The following EPB41L4B variants were observed in gnomAD, a reference collection of about 807,000 sequenced individuals.
EPB41L4B encodes the protein erythrocyte membrane protein band 4.1 like 4B.
EPB41L4B carries 30 observed loss-of-function variants against 112.5 expected under a neutral mutation model. That is an observed-to-expected ratio of 0.27 (90% confidence interval 0.20 to 0.36). EPB41L4B has a LOEUF of 0.36. EPB41L4B is among the 10% of genes least tolerant of loss of function. EPB41L4B has a pLI of 1.00. For missense variants in EPB41L4B, 1,024 were observed against 1,133.3 expected, an observed-to-expected ratio of 0.90 and a Z score of 1.38; for synonymous variants, 408 against 439.7, an observed-to-expected ratio of 0.93 and a Z score of 0.90.
rs1446160595 is a variant in EPB41L4B, at chr9:109,185,315, A to C, written c.2418+174T>G. Among the ~76,000 whole-genome samples the C allele has an allele frequency of 2.0e-5, 3 of 152,180 alleles. No homozygotes were observed. In the East Asian group the frequency reaches 5.8e-4, roughly 29 times the overall value. On this transcript the variant is annotated intron_variant, in intron 23 of 25. Transcript: ENST00000374566. ...CTCCATAGCTGCATGTTCCAAACTG[A>C]CCAGGGCCAGCTGGACTCCAAATCC... is the stretch of plus-strand genomic sequence containing the variant.
chr9:109,265,384 C>A, intron 4 of EPB41L4B, among the ~76,000 whole-genome samples: 1 of 152,198 alleles, frequency 6.6e-6, no homozygotes. Context: ...GGTGGGGCCG[C>A]GGGGTCTGGC....
intron 1 of EPB41L4B, among the ~76,000 whole-genome samples, chr9:109,307,015 G>GTTTTTTTTTTTTTTTTTTTTTT (rs534923556): frequency 8.0e-6 from 1 of 124,516 alleles, no homozygotes; most frequent in Non-Finnish European, 1.7e-5. Context: ...TGCTGCAGTT[G>GTTTTTTTTTTTTTTTTTTTTTT]TTTTTTTTTT....
At chr9:109,296,537 G>C (rs1836735904) in intron 1 of EPB41L4B, among the ~76,000 whole-genome samples, 1 of 152,144 alleles carries the variant, frequency 6.6e-6, no homozygotes, top group African/African-American at 2.4e-5. Flanking sequence ...TTCACCTATG[G>C]GACGGGCCTG....
At chr9:109,177,924 CTCTT>C (rs968771266) in intron 24 of EPB41L4B, among the ~76,000 whole-genome samples, 29 of 152,046 alleles carry the variant, frequency 1.9e-4, no homozygotes, top group African/African-American at 5.5e-4. Flanking sequence ...CTTTCTCTCT[CTCTT>C]TCTTTCTTTC....
At chr9:109,232,316 T>G (rs1833980698) in intron 15 of EPB41L4B, among the ~76,000 whole-genome samples, 1 of 152,106 alleles carries the variant, frequency 6.6e-6, no homozygotes, top group Non-Finnish European at 1.5e-5. Flanking sequence ...TACAGATTTT[T>G]TTTTTTGGTG....
chr9:109,313,285 A>G (rs1387005783), intron 1 of EPB41L4B, among the ~76,000 whole-genome samples: 2 of 152,242 alleles, frequency 1.3e-5, no homozygotes, highest in Non-Finnish European at 2.9e-5. Flanking sequence ...ACTGAAGAAA[A>G]CATATTGTGA....
chr9:109,233,128 G>A (rs1038843270), intron 15 of EPB41L4B, among the ~76,000 whole-genome samples: 1 of 152,184 alleles, frequency 6.6e-6, no homozygotes, highest in Non-Finnish European at 1.5e-5. Flanking sequence ...TATAACATGA[G>A]CCTACAGGGA....
intron 15 of EPB41L4B, among the ~76,000 whole-genome samples, chr9:109,221,120 TC>T (rs1833558552): frequency 6.6e-6 from 1 of 152,142 alleles, no homozygotes; most frequent in African/African-American, 2.4e-5. Flanking sequence ...GCTGTATGTC[TC>T]AGATACTGTG....
intron 9 of EPB41L4B, 103 bp from the exon 10 acceptor site, chr9:109,255,946 A>G (rs762131927): frequency 7.0e-6 from 9 of 1,294,452 alleles, no homozygotes; most frequent in Non-Finnish European, 9.6e-6. Context: ...CTAAAAAAAA[A>G]ATAAAAACAT....
chr9:109,196,489 C>A (rs1339545347), intron 20 of EPB41L4B, among the ~76,000 whole-genome samples: 3 of 152,150 alleles, frequency 2.0e-5, no homozygotes, highest in Non-Finnish European at 4.4e-5. Flanking sequence ...GGGGCCAAGG[C>A]AGGCGATTGC....
chr9:109,270,999 G>A (rs956447858), intron 2 of EPB41L4B, among the ~76,000 whole-genome samples: 8 of 152,186 alleles, frequency 5.3e-5, no homozygotes, highest in Non-Finnish European at 1.2e-4. Context: ...TCCTACCCAG[G>A]AAGAGGTTCT....
intron 23 of EPB41L4B, among the ~76,000 whole-genome samples, chr9:109,183,651 G>A (rs1588117480): frequency 1.3e-5 from 2 of 152,324 alleles, no homozygotes; most frequent in South Asian, 4.1e-4. Flanking sequence ...TCTGACACCA[G>A]CTTTGTGCAC....
chr9:109,258,432 G>A lies in EPB41L4B; in HGVS notation c.632-135C>T, dbSNP rs535259464. On this transcript the variant is annotated intron_variant, in intron 6 of 25. Transcript: ENST00000374566. Reference sequence around the variant, plus strand: ...CCAATGTATAACTCTCTCCTTTCGGGAAGACTTAACTCTCACTTGGGTAGT... The same window carrying A: ...CCAATGTATAACTCTCTCCTTTCGGAAAGACTTAACTCTCACTTGGGTAGT... 76 of 904,718 alleles carry A rather than the reference G, an allele frequency of 8.4e-5. No homozygotes were observed. The East Asian group carries it at 1.9e-3, about 22-fold the overall frequency. 56.0% of individuals were successfully genotyped at this position (904,718 alleles called of 1,614,324 possible).
At chr9:109,297,097 T>C (rs924764952) in intron 1 of EPB41L4B, among the ~76,000 whole-genome samples, 1 of 150,926 alleles carries the variant, frequency 6.6e-6, no homozygotes. Flanking sequence ...TGGATGACAA[T>C]TGGTGTCATT....
At chr9:109,314,324 C>T (rs572006801) in intron 1 of EPB41L4B, among the ~76,000 whole-genome samples, 1 of 152,298 alleles carries the variant, frequency 6.6e-6, no homozygotes, top group African/African-American at 2.4e-5. Context: ...AAGGCCCCAC[C>T]CCCATCGACC....
At chr9:109,262,520 A>G (rs1564303017) in intron 6 of EPB41L4B, among the ~76,000 whole-genome samples, 1 of 151,418 alleles carries the variant, frequency 6.6e-6, no homozygotes, top group Non-Finnish European at 1.5e-5. Flanking sequence ...CTTCTATTAC[A>G]GCAGCACCTC....
At chr9:109,192,768 G>C (rs148337879) in intron 21 of EPB41L4B, among the ~76,000 whole-genome samples, 81 of 152,300 alleles carry the variant, frequency 5.3e-4, no homozygotes, top group African/African-American at 1.9e-3. Flanking sequence ...GATCTTCATG[G>C]CAGGTGATGG....
chr9:109,273,839 T>G (rs10979791), intron 2 of EPB41L4B, among the ~76,000 whole-genome samples: 27,634 of 152,192 alleles, frequency 0.18, 3,077 homozygotes, highest in Admixed American at 0.24. Context: ...GATCCCACTC[T>G]TAGCATTTAT....
intron 20 of EPB41L4B, among the ~76,000 whole-genome samples, chr9:109,198,925 CAAAA>C (rs56042513): frequency 9.4e-6 from 1 of 106,870 alleles, no homozygotes; most frequent in Non-Finnish European, 2.0e-5. Flanking sequence ...GGCTCTGTCT[CAAAA>C]AAAAAAAAAA....
Sources: gnomAD v4.1 joint callset for allele counts (sites outside exome capture counted in the v4.1 genomes callset) on GRCh38, gnomAD v4.1.1 for gene constraint, MANE v1.5 for transcripts, NCBI Gene and HGNC (gene_info 2026-07-23, HGNC 2026-07-21) for gene names.